Variants in NLGN1 observed in about 807,000 individuals in gnomAD.
NLGN1 encodes the protein neuroligin 1.
NLGN1 carries 12 observed loss-of-function variants against 65.5 expected under a neutral mutation model. The observed-to-expected ratio is 0.18, with a 90% confidence interval of 0.12 to 0.30. The LOEUF (loss-of-function observed/expected upper bound fraction) is 0.30. NLGN1 is among the 10% of genes least tolerant of loss of function. NLGN1 has a pLI of 1.00. For synonymous variants in NLGN1, 350 were observed against 359.5 expected, an observed-to-expected ratio of 0.97 and a Z score of 0.30; for missense variants, 750 against 1,007.1, an observed-to-expected ratio of 0.74 and a Z score of 3.46.
At chr3:173,685,586 T>G (rs2149801007) in intron 3 of NLGN1, 1 of 929,572 alleles carries the variant, frequency 1.1e-6, no homozygotes, top group African/African-American at 1.8e-5. Context: ...GAAAAGAGGT[T>G]ATTAAAGTTC....
chr3:174,085,829 A>C (rs546898926), intron 4 of NLGN1, among the ~76,000 whole-genome samples: 4 of 152,120 alleles, frequency 2.6e-5, no homozygotes, highest in African/African-American at 9.6e-5. Flanking sequence ...TGAGCTATTC[A>C]TTCTATAACT....
intron 1 of NLGN1, among the ~76,000 whole-genome samples, chr3:173,406,765 A>G (rs1718781362): frequency 6.6e-6 from 1 of 151,914 alleles, no homozygotes; most frequent in Non-Finnish European, 1.5e-5. Context: ...CTGGGCACTT[A>G]CTTTTTGATG....
downstream of NLGN1, among the ~76,000 whole-genome samples, chr3:174,288,250 C>A (rs1255368459): frequency 6.6e-6 from 1 of 151,486 alleles, no homozygotes; most frequent in Non-Finnish European, 1.5e-5. Context: ...AGACATCTTT[C>A]CAAATAATAA....
At chr3:173,866,327 G>A (rs1310076733) in intron 4 of NLGN1, among the ~76,000 whole-genome samples, 2 of 152,056 alleles carry the variant, frequency 1.3e-5, no homozygotes, top group Admixed American at 1.3e-4. Context: ...ATTCCAGCCT[G>A]GGCAACAAGA....
intron 4 of NLGN1, among the ~76,000 whole-genome samples, chr3:174,008,353 C>T (rs966127711): frequency 8.6e-5 from 12 of 140,200 alleles, no homozygotes; most frequent in African/African-American, 3.1e-4. Context: ...AACCCGTCCC[C>T]CCCACCCCCC....
chr3:173,817,440 C>G (rs997546946), intron 4 of NLGN1, among the ~76,000 whole-genome samples: 1 of 152,160 alleles, frequency 6.6e-6, no homozygotes, highest in African/African-American at 2.4e-5. Context: ...TAAAGTGAGA[C>G]GGTTGGTAGT....
At chr3:173,788,633 G>T (rs1711843943) in intron 3 of NLGN1, among the ~76,000 whole-genome samples, 1 of 151,906 alleles carries the variant, frequency 6.6e-6, no homozygotes, top group Non-Finnish European at 1.5e-5. Context: ...ACAGCAGGTA[G>T]AGTGGTGGAG....
chr3:174,064,266 G>A (rs1244758439), intron 4 of NLGN1, among the ~76,000 whole-genome samples: 1 of 152,076 alleles, frequency 6.6e-6, no homozygotes, highest in Non-Finnish European at 1.5e-5. Context: ...ACCTAATATA[G>A]TGATGGAATT....
chr3:173,827,436 A>G (rs1426414884), intron 4 of NLGN1, among the ~76,000 whole-genome samples: 1 of 151,942 alleles, frequency 6.6e-6, no homozygotes, highest in Non-Finnish European at 1.5e-5. Flanking sequence ...TTAAATGAGG[A>G]TGAGTCAGTT....
At chr3:174,255,112 C>CTA (rs63617762) in intron 4 of NLGN1, among the ~76,000 whole-genome samples, 21,032 of 151,980 alleles carry the variant, frequency 0.14, 1,521 homozygotes, top group African/African-American at 0.17. Context: ...GGTAGGATAG[C>CTA]TATGTTTGAA....
At chr3:173,520,544 G>A (rs1734578492) in intron 2 of NLGN1, among the ~76,000 whole-genome samples, 1 of 152,192 alleles carries the variant, frequency 6.6e-6, no homozygotes, top group African/African-American at 2.4e-5. Flanking sequence ...ACACAGCTGA[G>A]TGAGTCAGAA....
chr3:174,217,945 G>A (rs1202268746), intron 4 of NLGN1, among the ~76,000 whole-genome samples: 1 of 152,068 alleles, frequency 6.6e-6, no homozygotes, highest in African/African-American at 2.4e-5. Context: ...AAGTTTGCCT[G>A]AGCCAGAAAA....
At chr3:173,742,951 T>C (rs887696075) in intron 3 of NLGN1, among the ~76,000 whole-genome samples, 2 of 152,178 alleles carry the variant, frequency 1.3e-5, no homozygotes, top group Non-Finnish European at 2.9e-5. Context: ...TGCATGTACT[T>C]GTATTTAAAT....
At chr3:173,676,062 CTG>C (rs1329056848) in intron 3 of NLGN1, among the ~76,000 whole-genome samples, 2 of 151,858 alleles carry the variant, frequency 1.3e-5, no homozygotes, top group African/African-American at 4.8e-5. Context: ...AAGGATCTCT[CTG>C]TAATATTTCT....
chr3:173,899,836 G>T lies in NLGN1; in HGVS notation c.646+92004G>T, dbSNP rs188718250. 5.8e-3 allele frequency among the ~76,000 whole-genome samples: 883 copies of T among 152,080 alleles called. 6 individuals are homozygous for T. The highest frequency in any genetic ancestry group is 9.5e-3 in the Non-Finnish European group (647 of 67,918). On this transcript the variant is annotated intron_variant, in intron 4 of 6. Coordinates refer to ENST00000457714, the Ensembl canonical transcript of NLGN1. ...ACTGAATGACACTTATTTTTAATTT[G>T]GATGTTTTAATTCCTTTTCTTTAAC...
chr3:174,128,273 C>A (rs1252370070), intron 4 of NLGN1, among the ~76,000 whole-genome samples: 1 of 152,124 alleles, frequency 6.6e-6, no homozygotes. Context: ...ATCCTACATT[C>A]ATTTTTAAGA....
rs1251377451 is a variant in NLGN1, at chr3:173,984,014, C to T, written c.646+176182C>T. 2.0e-5 allele frequency among the ~76,000 whole-genome samples: 3 copies of T among 152,096 alleles called. No homozygotes were observed. In the East Asian group the frequency reaches 5.8e-4, roughly 29 times the overall value. On this transcript the variant is annotated intron_variant, in intron 4 of 6. Coordinates refer to ENST00000457714, the Ensembl canonical transcript of NLGN1. ...TGTCACATGCCCTCAAATTTGGCAC[C>T]ACAGGGCTAGAGGATGTCTCAGGAC... is the stretch of plus-strand genomic sequence containing the variant.
At chr3:174,165,901 T>A (rs1215140058) in intron 4 of NLGN1, among the ~76,000 whole-genome samples, 1 of 151,926 alleles carries the variant, frequency 6.6e-6, no homozygotes, top group African/African-American at 2.4e-5. Flanking sequence ...CTGTTCAGTG[T>A]TTCCTTCCTG....
At chr3:173,720,278 G>C (rs960105149) in intron 3 of NLGN1, among the ~76,000 whole-genome samples, 1 of 152,162 alleles carries the variant, frequency 6.6e-6, no homozygotes, top group East Asian at 1.9e-4. Flanking sequence ...GAGGCGGGGG[G>C]TGCCGGCGGG....
Sources: allele counts gnomAD v4.1 joint callset (sites outside exome capture counted in the v4.1 genomes callset), GRCh38; gene constraint gnomAD v4.1.1; transcripts MANE v1.5; gene names NCBI Gene and HGNC (gene_info 2026-07-23, HGNC 2026-07-21).